PLA2G6: variants seen among roughly 807,000 people sequenced by gnomAD.
PLA2G6 encodes the protein phospholipase A2 group VI.
In PLA2G6, 62 loss-of-function variants were observed where a neutral mutation model predicts 83.8. That is an observed-to-expected ratio of 0.74 (90% CI 0.60 to 0.91). PLA2G6 has a LOEUF of 0.91. Ranked by LOEUF, PLA2G6 falls within the 40% of genes least tolerant of loss-of-function variation. The pLI, the probability that PLA2G6 is intolerant of heterozygous loss-of-function variation, is 0.00. For missense variants in PLA2G6, 944 were observed against 1,102.0 expected (o/e 0.86, Z 2.03); for synonymous variants, 417 against 449.8 (o/e 0.93, Z 0.92).
intron 2 of PLA2G6, among the ~76,000 whole-genome samples, chr22:38,168,995 G>A (rs544963364): frequency 6.6e-6 from 1 of 152,210 alleles, no homozygotes; most frequent in Admixed American, 6.5e-5. Flanking sequence ...AAACAACCCA[G>A]GCTTCCATCC....
rs200599704 is a variant in PLA2G6 at position 38,120,776 on chromosome 22, C to T, written c.1725G>A (p.Thr575=). 282 of 1,613,816 alleles carry T rather than the reference C, an allele frequency of 1.7e-4. No homozygotes were observed. The highest frequency in any genetic ancestry group is 3.7e-4 in the Admixed American group (22 of 60,032). ...GGGCTTACTTGGGTTTCCTGACGTC[C>T]GTCATCTTGGTGTGCTCCCCAAACT... is the stretch of plus-strand genomic sequence containing the variant. ...KREFGEHTKM[T]DVRKPKVMLT... is the part of the protein sequence containing the mutation. The change falls in exon 12 of 17, where the codon ACG becomes ACA. Residue 575 remains threonine (T), a synonymous_variant. Transcript: ENST00000332509.
chr22:38,139,125 C>A (rs2145797750), intron 5 of PLA2G6: 1 of 152,328 alleles, frequency 6.6e-6, no homozygotes, highest in Non-Finnish European at 1.5e-5. Context: ...AGGAAAGAGG[C>A]ATCTAGGTGG....
At chr22:38,173,343 C>T (rs2090508544) in intron 1 of PLA2G6, among the ~76,000 whole-genome samples, 2 of 151,916 alleles carry the variant, frequency 1.3e-5, no homozygotes, top group African/African-American at 4.8e-5. Flanking sequence ...TGGGCTTCTC[C>T]CTGCACCCCC....
At chr22:38,149,512 A>G (rs1602201899) in intron 2 of PLA2G6, 1 of 152,238 alleles carries the variant, frequency 6.6e-6, no homozygotes, top group Non-Finnish European at 1.5e-5. Flanking sequence ...AGTAGAGTAC[A>G]TAAGAGACAC....
intron 14 of PLA2G6, among the ~76,000 whole-genome samples, chr22:38,114,977 C>T (rs2087103130): frequency 6.6e-6 from 1 of 152,164 alleles, no homozygotes; most frequent in African/African-American, 2.4e-5. Flanking sequence ...AGGGCCTCCC[C>T]TAGCATGCTG....
rs35709752 is a variant in PLA2G6 at position 38,123,551 on chromosome 22, TG to T, written c.1428-294del. Among the ~76,000 whole-genome samples, 1 of 151,944 alleles carries T rather than the reference TG, an allele frequency of 6.6e-6. No homozygotes were observed. The highest frequency in any genetic ancestry group is 1.5e-5 in the Non-Finnish European group (1 of 67,988). On this transcript the variant is annotated intron_variant, in intron 10 of 16. Coordinates refer to ENST00000332509, the MANE Select transcript of PLA2G6 (RefSeq NM_003560.4). This position sits in a 1 kb window ranked among gnomAD's most constrained non-coding sequence, Gnocchi z 4.1. ...AGGATCTCGGCCAGTCTCCCCAACT[TG>T]GGACACCTGATTTTGGTCAGTATCA...
At chr22:38,146,151 TCA>T (rs2145834348) in intron 2 of PLA2G6, 1 of 196,698 alleles carries the variant, frequency 5.1e-6, no homozygotes, top group South Asian at 8.5e-5. Context: ...TTCTCCTACC[TCA>T]GTCTCCAGAG....
chr22:38,127,871 G>A (rs1394566684), intron 9 of PLA2G6, among the ~76,000 whole-genome samples: 2 of 152,220 alleles, frequency 1.3e-5, no homozygotes, highest in African/African-American at 4.8e-5. Flanking sequence ...GATTCAAACA[G>A]TGTGATAGAG....
rs769930709 is a variant in PLA2G6, at chr22:38,129,507, G to T, written c.1133C>A (p.Thr378Asn). Reference sequence around the variant, plus strand: ...AGGAGTCTCCCCAAAGTCATTCGGGGTGTCCACTTCTGCTCCGAACACGAT... The same window carrying T: ...AGGAGTCTCCCCAAAGTCATTCGGGTTGTCCACTTCTGCTCCGAACACGAT... ...ALIVFGAEVD[T>N]PNDFGETPTF... Residue 378 changes from threonine to asparagine, a missense_variant, in exon 8 of 17, where the codon ACC becomes AAC. Physicochemically the swap from Thr to Asn is moderately conservative, Grantham distance 65. Coordinates refer to ENST00000332509, the MANE Select transcript of PLA2G6 (RefSeq NM_003560.4). The T allele has an allele frequency of 1.2e-6, 2 of 1,613,992 alleles. No homozygotes were observed. The highest frequency in any genetic ancestry group is 1.7e-6 in the Non-Finnish European group (2 of 1,179,938).
Position 38,113,522 on chromosome 22 carries a change from C to G in PLA2G6, c.2167G>C (p.Gly723Arg), listed in dbSNP as rs772436610. ...NPWELAKTVF[G>R]AKELGKMVVD... Reference sequence around the variant, plus strand: ...ACCATCTTGCCCAGTTCCTTGGCCCCAAAAACAGTCTTGGCCAGCTCCCAG... The same window carrying G: ...ACCATCTTGCCCAGTTCCTTGGCCCGAAAAACAGTCTTGGCCAGCTCCCAG... Residue 723 changes from glycine to arginine, a missense_variant, in exon 15 of 17, where the codon GGG becomes CGG. Coordinates refer to ENST00000332509, the MANE Select transcript of PLA2G6 (RefSeq NM_003560.4). 6.2e-7 allele frequency: 1 copy of G among 1,614,084 alleles called. No homozygotes were observed. Among genetic ancestry groups the G allele is most frequent in the African/African-American group, 1.3e-5 (1 of 75,032 alleles).
intron 8 of PLA2G6, 152 bp downstream of exon 8, chr22:38,129,302 C>A: frequency 2.9e-6 from 2 of 685,482 alleles, no homozygotes; most frequent in South Asian, 3.1e-5. Flanking sequence ...GTAAGGAAGC[C>A]CCCTCTCTGA....
chr22:38,124,061 C>G (rs1259780629), intron 10 of PLA2G6, among the ~76,000 whole-genome samples: 1 of 152,082 alleles, frequency 6.6e-6, no homozygotes, highest in Non-Finnish European at 1.5e-5. Flanking sequence ...TCTTGAACTC[C>G]CGACCTCATG....
chr22:38,139,384 C>T (rs919689205), intron 5 of PLA2G6: 1 of 149,372 alleles, frequency 6.7e-6, no homozygotes, highest in Non-Finnish European at 1.5e-5. Context: ...AGATTCACTC[C>T]TAGGAATTAA....
chr22:38,179,812 A>G (rs2090775864), intron 1 of PLA2G6, among the ~76,000 whole-genome samples: 1 of 152,060 alleles, frequency 6.6e-6, no homozygotes, highest in Non-Finnish European at 1.5e-5. Flanking sequence ...TTCAAGTTTG[A>G]AAAGCCTAAG....
chr22:38,145,833 A>ACACACACACCC (rs1491467180), intron 2 of PLA2G6, 180 bp from the exon 3 acceptor site: 1 of 594,072 alleles, frequency 1.7e-6, no homozygotes, highest in African/African-American at 2.0e-5. Flanking sequence ...ACACACACAC[A>ACACACACACCC]CCCCTATACA....
intron 2 of PLA2G6, among the ~76,000 whole-genome samples, chr22:38,157,147 C>T (rs132961): frequency 0.19 from 29,094 of 151,652 alleles, 3,126 homozygotes; most frequent in East Asian, 0.45. Flanking sequence ...GAAATTGAAA[C>T]AAAACAATAC....
chr22:38,142,883 C>G lies in PLA2G6; in HGVS notation c.609+222G>C, dbSNP rs1013869529. On this transcript the variant is annotated intron_variant, in intron 4 of 16. Transcript: ENST00000332509. ...TATTTTGCTGGGTTGGAGGCCGTCCCCAGGTTTATCAAGCAAAGAGACTGA... is the reference window on the plus strand; with the variant it reads ...TATTTTGCTGGGTTGGAGGCCGTCCGCAGGTTTATCAAGCAAAGAGACTGA... 4.7e-6 allele frequency: 3 copies of G among 641,022 alleles called. No homozygotes were observed. In the South Asian group the frequency reaches 5.2e-5, roughly 11 times the overall value. 39.7% of individuals were successfully genotyped at this position (641,022 alleles called of 1,614,324 possible). A position where few individuals can be genotyped will look rare whatever the true frequency, so the allele number is the denominator to read the frequency against.
At chr22:38,130,006 G>A (rs996971540) in intron 7 of PLA2G6, among the ~76,000 whole-genome samples, 17 of 152,144 alleles carry the variant, frequency 1.1e-4, no homozygotes, top group Admixed American at 6.5e-4. Flanking sequence ...AGGGGTAACC[G>A]AACACACGTG....
At chr22:38,166,454 G>A (rs1008483161) in intron 2 of PLA2G6, among the ~76,000 whole-genome samples, 3 of 152,186 alleles carry the variant, frequency 2.0e-5, no homozygotes, top group African/African-American at 7.2e-5. Flanking sequence ...ACAAAGCCGG[G>A]CATGGTGACT....
Sources: allele counts gnomAD v4.1 joint callset (sites outside exome capture counted in the v4.1 genomes callset), GRCh38; gene constraint gnomAD v4.1.1; non-coding constraint Gnocchi (gnomAD v3.1); transcripts MANE v1.5; gene names NCBI Gene and HGNC (gene_info 2026-07-23, HGNC 2026-07-21).